Variants in WDSUB1 observed in about 807,000 individuals in gnomAD.
WDSUB1 encodes WD repeat, sterile alpha motif and U-box domain containing 1.
WDSUB1 carries 49 observed loss-of-function variants against 53.9 expected under a neutral mutation model. That is an observed-to-expected ratio of 0.91 (90% CI 0.72 to 1.15). WDSUB1 has a LOEUF of 1.15. Ranked by LOEUF, WDSUB1 falls within the 50% of genes most tolerant of loss-of-function variation. WDSUB1 has a pLI of 0.00. For missense variants in WDSUB1, 514 were observed against 562.0 expected, an observed-to-expected ratio of 0.91 and a Z score of 0.86; for synonymous variants, 194 against 200.6, an observed-to-expected ratio of 0.97 and a Z score of 0.28.
chr2:159,256,474 G>A, intron 8 of WDSUB1, 99 bp from the exon 9 acceptor site: 1 of 1,280,088 alleles, frequency 7.8e-7, no homozygotes. Flanking sequence ...CCTTAAATCT[G>A]TGTTTTATAG....
At chr2:159,279,715 AT>A (rs2061612012) in intron 3 of WDSUB1, 45 bp downstream of exon 3, 2 of 1,538,232 alleles carry the variant, frequency 1.3e-6, no homozygotes, top group Non-Finnish European at 1.8e-6. Flanking sequence ...TACAGCACAA[AT>A]TACAAATAGG....
intron 6 of WDSUB1, among the ~76,000 whole-genome samples, chr2:159,258,349 A>C (rs1334994855): frequency 6.6e-6 from 1 of 152,230 alleles, no homozygotes; most frequent in African/African-American, 2.4e-5. Context: ...TATACATTGC[A>C]GGACCAGTGA....
intron 9 of WDSUB1, among the ~76,000 whole-genome samples, chr2:159,249,193 A>G (rs1234738998): frequency 6.6e-6 from 1 of 152,232 alleles, no homozygotes; most frequent in Non-Finnish European, 1.5e-5. Context: ...TGAGTTCAAA[A>G]CATAAAAATG....
At position 159,256,490 on chromosome 2, in the gene WDSUB1, T is replaced by TAC. The variant is rs1360216667; in HGVS notation, c.953-117_953-116dup. The TAC allele has an allele frequency of 1.8e-5, 20 of 1,083,854 alleles. No individual in the cohort carries two copies. The African/African-American group carries it at 3.1e-4, about 17-fold the overall frequency. 67.1% of individuals were successfully genotyped at this position (1,083,854 alleles called of 1,614,324 possible). On this transcript the variant is annotated intron_variant, in intron 8 of 10. Transcript: ENST00000359774. ...CTTAAATCTGTGTTTTATAGCTAGG[T>TAC]ACAGTGGCTCATGCCTATAATCCTA...
intron 3 of WDSUB1, among the ~76,000 whole-genome samples, chr2:159,277,182 C>CT (rs1386345294): frequency 6.6e-6 from 1 of 152,112 alleles, no homozygotes; most frequent in Non-Finnish European, 1.5e-5. Flanking sequence ...TCACTGAAAG[C>CT]TTTTTTAACT....
chr2:159,245,897 G>A (rs1430180077), intron 10 of WDSUB1, among the ~76,000 whole-genome samples: 1 of 151,846 alleles, frequency 6.6e-6, no homozygotes, highest in African/African-American at 2.4e-5. Context: ...TAAAAACGTT[G>A]TCTCTATAAG....
At position 159,279,854 on chromosome 2, in the gene WDSUB1, T is replaced by C; in HGVS notation, c.490A>G (p.Thr164Ala). ...FVTGSSCGDL[T>A]VWDDKMRCLH... ...CACCTCATTTTATCATCCCACACTG[T>C]TAAATCACCACATGAGGAGCCAGTG... Residue 164 changes from threonine (T) to alanine (A), a missense_variant, in exon 3 of 11, where the codon ACA becomes GCA. Physicochemically the swap from Thr to Ala is moderately conservative, Grantham distance 58 (BLOSUM62 0). Transcript: ENST00000359774. 6.2e-7 allele frequency: 1 copy of C among 1,612,794 alleles called. No individual in the cohort carries two copies. Among genetic ancestry groups the C allele is most frequent in the Non-Finnish European group, 8.5e-7 (1 of 1,179,066 alleles).
At chr2:159,271,597 T>C in intron 5 of WDSUB1, 105 bp downstream of exon 5, 1 of 966,862 alleles carries the variant, frequency 1.0e-6, no homozygotes, top group South Asian at 1.5e-5. Flanking sequence ...TTCTTGACCT[T>C]TGTGGTGGCT....
At chr2:159,263,476 T>C (rs751620477) in intron 5 of WDSUB1, among the ~76,000 whole-genome samples, 1 of 152,202 alleles carries the variant, frequency 6.6e-6, no homozygotes, top group Non-Finnish European at 1.5e-5. Context: ...GTGTCATAGG[T>C]CCTGTCCACT....
chr2:159,237,611 A>G (rs991792286), intron 10 of WDSUB1, among the ~76,000 whole-genome samples: 1 of 152,156 alleles, frequency 6.6e-6, no homozygotes, highest in Non-Finnish European at 1.5e-5. Context: ...CCCTTCCCAT[A>G]TAAGTAACCA....
chr2:159,247,443 A>T (rs530524976), intron 10 of WDSUB1, among the ~76,000 whole-genome samples: 102 of 152,330 alleles, frequency 6.7e-4, no homozygotes, highest in African/African-American at 2.2e-3. Context: ...TTTCAAAACA[A>T]CTATTAAGCT....
intron 3 of WDSUB1, among the ~76,000 whole-genome samples, 158 bp downstream of exon 3, chr2:159,279,603 T>C (rs2061609135): frequency 6.6e-6 from 1 of 151,840 alleles, no homozygotes; most frequent in African/African-American, 2.4e-5. Context: ...TCATTTTTGG[T>C]CAAAAAAGAG....
At position 159,247,889 on chromosome 2, in the gene WDSUB1, AT is replaced by A. The variant is rs1234786885; in HGVS notation, c.1273+482del. Among the ~76,000 whole-genome samples the A allele has an allele frequency of 6.0e-3, 125 of 20,956 alleles. 8 individuals carry two copies. In the South Asian group the frequency reaches 0.1, roughly 18 times the overall value. The allele number at this position is 20,956 out of a possible 152,430, so 13.7% of individuals were successfully genotyped here. A position where few individuals can be genotyped will look rare whatever the true frequency, so the allele number is the denominator to read the frequency against. ...AGCTGTAGGCCAAAATTAAATAAATATATATATATATATATATATAAATATA... is the reference window on the plus strand; with the variant it reads ...AGCTGTAGGCCAAAATTAAATAAATAATATATATATATATATATAAATATA... On this transcript the variant is annotated intron_variant, in intron 10 of 10. Transcript: ENST00000359774.
intron 10 of WDSUB1, among the ~76,000 whole-genome samples, chr2:159,247,904 T>A (rs1047017418): frequency 2.9e-4 from 11 of 37,870 alleles, no homozygotes; most frequent in Admixed American, 1.4e-3. Flanking sequence ...TATATATATA[T>A]ATATAAATAT....
intron 5 of WDSUB1, among the ~76,000 whole-genome samples, chr2:159,261,416 T>G (rs927115348): frequency 1.3e-5 from 2 of 152,244 alleles, no homozygotes. Flanking sequence ...AAAAGAATTA[T>G]AGCTTTCAAT....
At position 159,235,957 on chromosome 2, in the gene WDSUB1, A is replaced by T. The variant is rs974800974; in HGVS notation, c.*76T>A. 2.4e-5 allele frequency: 32 copies of T among 1,306,480 alleles called. No individual in the cohort carries two copies. In the South Asian group the frequency reaches 7.2e-4, roughly 30 times the overall value. 80.9% of individuals were successfully genotyped at this position (1,306,480 alleles called of 1,614,324 possible). On this transcript the variant is annotated 3_prime_UTR_variant, in exon 11 of 11. Coordinates refer to ENST00000359774, the MANE Select transcript of WDSUB1 (RefSeq NM_001128212.3). ...ACCTTTTTCCTGTTTTGCTTTTAAT[A>T]ATGTCTGATTAGTATTTACCTATAA...
intron 10 of WDSUB1, among the ~76,000 whole-genome samples, chr2:159,238,717 T>C (rs2060556608): frequency 6.6e-6 from 1 of 152,210 alleles, no homozygotes; most frequent in Non-Finnish European, 1.5e-5. Context: ...GTTCTCGACA[T>C]GTAACATCTC....
At chr2:159,280,067 A>G in intron 2 of WDSUB1, 122 bp from the exon 3 acceptor site, 1 of 825,552 alleles carries the variant, frequency 1.2e-6, no homozygotes, top group Non-Finnish European at 1.8e-6. Flanking sequence ...CTAGAGAGAA[A>G]GGACAACTGA....
chr2:159,261,886 ATATATATATATTTTTTTT>A (rs2061224389), intron 5 of WDSUB1, among the ~76,000 whole-genome samples: 2 of 15,368 alleles, frequency 1.3e-4, no homozygotes, highest in African/African-American at 6.9e-4. Context: ...ATATATATAT[ATATATATATATTTTTTTT>A]TTTTTTTTTT....
Sources: gnomAD v4.1 joint callset for allele counts (sites outside exome capture counted in the v4.1 genomes callset) on GRCh38, gnomAD v4.1.1 for gene constraint, MANE v1.5 for transcripts, NCBI Gene and HGNC (gene_info 2026-07-23, HGNC 2026-07-21) for gene names.